The following HPSE2 variants were observed in gnomAD, a reference collection of about 807,000 sequenced individuals.
The protein encoded by HPSE2 is inactive heparanase-2.
In HPSE2, 38 loss-of-function variants were observed where a neutral mutation model predicts 60.5. That is an observed-to-expected ratio of 0.63 (90% CI 0.48 to 0.82). The LOEUF is 0.82. Ranked by LOEUF, HPSE2 falls within the 40% of genes least tolerant of loss-of-function variation. The pLI is 0.00. For synonymous variants in HPSE2, 295 were observed against 293.2 expected (o/e 1.01, Z -0.06); for missense variants, 713 against 740.4 (o/e 0.96, Z 0.43).
At chr10:98,685,050 G>C (rs1165044584) in intron 6 of HPSE2, among the ~76,000 whole-genome samples, 3 of 152,040 alleles carry the variant, frequency 2.0e-5, no homozygotes, top group Non-Finnish European at 2.9e-5. Context: ...GAATTGTATA[G>C]GGAACATCAT....
intron 3 of HPSE2, among the ~76,000 whole-genome samples, chr10:99,132,237 G>GAAAAAA (rs1308434482): frequency 4.8e-5 from 1 of 20,662 alleles, no homozygotes; most frequent in African/African-American, 1.1e-4. Flanking sequence ...GAGAGAGAGA[G>GAAAAAA]AGAGAGAAAG....
intron 2 of HPSE2, among the ~76,000 whole-genome samples, chr10:99,223,612 G>A (rs1162682690): frequency 6.6e-6 from 1 of 152,100 alleles, no homozygotes; most frequent in Non-Finnish European, 1.5e-5. Context: ...ATTTAGGTTT[G>A]TAAATAACAT....
chr10:98,477,945 A>G (rs917308333), intron 11 of HPSE2, among the ~76,000 whole-genome samples: 2 of 150,118 alleles, frequency 1.3e-5, no homozygotes, highest in Non-Finnish European at 3.0e-5. Context: ...CCTTATGAGA[A>G]TCTAATGCCT....
the HPSE2 span, among the ~76,000 whole-genome samples, chr10:99,301,394 C>T: frequency 1.2e-4 from 19 of 152,210 alleles, no homozygotes; most frequent in Non-Finnish European, 2.8e-4. Flanking sequence ...TATCAGGTAT[C>T]CCCCCATATA....
chr10:98,688,465 CTTTTTTTTTTTCTTTT>C (rs1365046338), intron 6 of HPSE2, among the ~76,000 whole-genome samples: 2 of 103,858 alleles, frequency 1.9e-5, no homozygotes, highest in African/African-American at 3.7e-5. Context: ...TTTAGCATTT[CTTTTTTTTTTTCTTTT>C]TTTTTTTTTT....
chr10:98,680,510 A>G (rs1947756770), intron 6 of HPSE2, among the ~76,000 whole-genome samples: 1 of 152,212 alleles, frequency 6.6e-6, no homozygotes. Context: ...CCTTAGCACA[A>G]ATCAAGTCAG....
the HPSE2 span, among the ~76,000 whole-genome samples, chr10:99,267,810 A>C: frequency 2.6e-5 from 4 of 152,028 alleles, no homozygotes; most frequent in African/African-American, 4.8e-5. Flanking sequence ...ACAAAAAAAA[A>C]CACTAAATGT....
intron 3 of HPSE2, among the ~76,000 whole-genome samples, chr10:99,138,486 C>A (rs1411248113): frequency 2.0e-5 from 3 of 152,144 alleles, no homozygotes; most frequent in Non-Finnish European, 4.4e-5. Context: ...GACTTGGAAC[C>A]AACCCAATTG....
chr10:99,041,290 G>C (rs917799499), intron 3 of HPSE2, among the ~76,000 whole-genome samples: 2 of 152,084 alleles, frequency 1.3e-5, no homozygotes, highest in African/African-American at 4.8e-5. Context: ...GATTCATAAA[G>C]GATGCAACAG....
chr10:98,512,729 C>CCTT (rs1942454059), intron 9 of HPSE2, among the ~76,000 whole-genome samples: 1 of 151,298 alleles, frequency 6.6e-6, no homozygotes, highest in East Asian at 1.9e-4. Context: ...TGGTTTTCTC[C>CCTT]CACCCTTCAA....
At chr10:98,992,847 G>A (rs1234257972) in intron 3 of HPSE2, among the ~76,000 whole-genome samples, 1 of 152,168 alleles carries the variant, frequency 6.6e-6, no homozygotes, top group African/African-American at 2.4e-5. Context: ...AGACAGCACT[G>A]GGTTCCAATC....
the HPSE2 span, among the ~76,000 whole-genome samples, chr10:99,265,027 C>T: frequency 6.6e-6 from 1 of 152,274 alleles, no homozygotes; most frequent in Non-Finnish European, 1.5e-5. Context: ...GCTAAGCCAT[C>T]ATATCCCCTG....
chr10:98,644,794 G>A (rs2134044233), intron 6 of HPSE2, among the ~76,000 whole-genome samples: 1 of 152,310 alleles, frequency 6.6e-6, no homozygotes, highest in East Asian at 1.9e-4. Context: ...TGATACATGG[G>A]AGATGAAATC....
chr10:99,253,926 G>A, the HPSE2 span, among the ~76,000 whole-genome samples: 1 of 152,070 alleles, frequency 6.6e-6, no homozygotes, highest in East Asian at 1.9e-4. Flanking sequence ...ACAGCAGTCA[G>A]AATAGCTATT....
At chr10:98,903,473 A>G (rs550642727) in intron 3 of HPSE2, among the ~76,000 whole-genome samples, 1 of 152,218 alleles carries the variant, frequency 6.6e-6, no homozygotes, top group South Asian at 2.1e-4. Flanking sequence ...AAGGCAAAAA[A>G]TGTATTCGGT....
chr10:99,099,363 A>G (rs947362421), intron 3 of HPSE2, among the ~76,000 whole-genome samples: 6 of 152,242 alleles, frequency 3.9e-5, no homozygotes, highest in Non-Finnish European at 7.3e-5. Context: ...CATGGCTCAC[A>G]GGGACCCATG....
intron 3 of HPSE2, among the ~76,000 whole-genome samples, chr10:98,769,331 G>A (rs1033518324): frequency 6.6e-6 from 1 of 152,072 alleles, no homozygotes; most frequent in African/African-American, 2.4e-5. Flanking sequence ...TTGTTTTGGT[G>A]GAGTGGAGGT....
In HPSE2 at chr10:98,852,113, A is replaced by ATATGTGTGTGTG. The variant is rs779720749; in HGVS notation, c.611-108058_611-108057insCACACACACATA. Among the ~76,000 whole-genome samples the ATATGTGTGTGTG allele has an allele frequency of 2.2e-3, 200 of 91,876 alleles. 1 individual carries two copies. Among genetic ancestry groups the ATATGTGTGTGTG allele is most frequent in the East Asian group, 8.4e-3 (22 of 2,610 alleles). 60.3% of individuals were successfully genotyped at this position (91,876 alleles called of 152,430 possible). ...GGTTTTGCAAACCTTGTATATTATG[A>ATATGTGTGTGTG]TGTGTGTGTGTGTGTGTGTGTGTGT... On this transcript the variant is annotated intron_variant, in intron 3 of 11. Coordinates refer to ENST00000370552, the MANE Select transcript of HPSE2 (RefSeq NM_021828.5).
chr10:98,928,076 C>T (rs11189873), intron 3 of HPSE2, among the ~76,000 whole-genome samples: 189 of 140,546 alleles, frequency 1.3e-3, no homozygotes, highest in Middle Eastern at 3.6e-3. Flanking sequence ...AGAAAATTTT[C>T]GCAACCTACT....
Sources: allele counts gnomAD v4.1 joint callset (sites outside exome capture counted in the v4.1 genomes callset), GRCh38; gene constraint gnomAD v4.1.1; transcripts MANE v1.5; gene names NCBI Gene and HGNC (gene_info 2026-07-23, HGNC 2026-07-21).